GMCL1: variants seen among roughly 807,000 people sequenced by gnomAD.
The protein encoded by GMCL1 is germ cell-less 1, spermatogenesis associated.
Under a neutral mutation model 75.5 loss-of-function variants are expected in GMCL1, and 54 were observed. The ratio of observed to expected loss-of-function variants is 0.71; its 90% CI spans 0.57 to 0.90. The LOEUF is 0.90. GMCL1 is among the 40% of genes least tolerant of loss of function. The probability of loss-of-function intolerance (pLI) is 0.00; values close to 1 mark genes in which losing one functional copy is unlikely to be tolerated. For missense variants in GMCL1, 537 were observed against 622.7 expected (o/e 0.86, Z 1.47); for synonymous variants, 210 against 209.6 (o/e 1.00, Z -0.02).
At chr2:69,843,294 C>T in intron 5 of GMCL1, 33 bp downstream of exon 5, 1 of 1,174,696 alleles carries the variant, frequency 8.5e-7, no homozygotes, top group Non-Finnish European at 1.3e-6. Flanking sequence ...CTTCCTATCC[C>T]ACTTTTAGGA....
chr2:69,866,240 C>G (rs1167886431), intron 11 of GMCL1, among the ~76,000 whole-genome samples: 4 of 124,106 alleles, frequency 3.2e-5, no homozygotes, highest in African/African-American at 1.4e-4. Flanking sequence ...GAGCGAGTCT[C>G]CATCTCAAGA....
At chr2:69,857,398 A>G (rs1186175323) in intron 9 of GMCL1, among the ~76,000 whole-genome samples, 1 of 152,152 alleles carries the variant, frequency 6.6e-6, no homozygotes, top group Non-Finnish European at 1.5e-5. Flanking sequence ...ACATTTCAAC[A>G]CTAAGCTTGA....
chr2:69,833,622 T>C (rs2103942166), intron 1 of GMCL1, among the ~76,000 whole-genome samples: 1 of 152,294 alleles, frequency 6.6e-6, no homozygotes, highest in Admixed American at 6.5e-5. Context: ...TCTCAAAAAC[T>C]AAACAAATAA....
chr2:69,858,130 C>T (rs975004411), intron 9 of GMCL1, among the ~76,000 whole-genome samples: 14 of 152,122 alleles, frequency 9.2e-5, no homozygotes, highest in Admixed American at 2.6e-4. Flanking sequence ...AGATCCGTGA[C>T]GCTGTCAAAT....
At chr2:69,840,790 G>A (rs932718481) in intron 3 of GMCL1, 152 bp from the exon 4 acceptor site, 30 of 472,266 alleles carry the variant, frequency 6.4e-5, no homozygotes, top group East Asian at 6.2e-4. Flanking sequence ...CATTACTAGC[G>A]TTTTAATTAG....
intron 1 of GMCL1, 101 bp downstream of exon 1, chr2:69,830,253 C>T: frequency 7.2e-7 from 1 of 1,396,876 alleles, no homozygotes; most frequent in Non-Finnish European, 9.5e-7. Context: ...GCTCCCCAGC[C>T]TATGGAGAGG....
At chr2:69,844,505 T>C (rs555238322) in intron 6 of GMCL1, 24 of 176,724 alleles carry the variant, frequency 1.4e-4, no homozygotes, top group Non-Finnish European at 7.1e-5. Context: ...AAAAATCATC[T>C]TTTTTATTGA....
intron 7 of GMCL1, among the ~76,000 whole-genome samples, chr2:69,848,536 C>T (rs896453845): frequency 1.3e-5 from 2 of 152,090 alleles, no homozygotes; most frequent in Non-Finnish European, 2.9e-5. Flanking sequence ...GCAAAAACCC[C>T]TCTCTACAAA....
intron 6 of GMCL1, 140 bp from the exon 7 acceptor site, chr2:69,847,403 C>A (rs754404205): frequency 2.0e-5 from 14 of 685,900 alleles, no homozygotes; most frequent in Non-Finnish European, 3.7e-5. Context: ...TTCTAAGATT[C>A]TTTGTCTTGG....
intron 5 of GMCL1, 145 bp from the exon 6 acceptor site, chr2:69,843,982 CAAAA>C (rs1558539680): frequency 1.6e-5 from 7 of 443,998 alleles, no homozygotes; most frequent in African/African-American, 1.2e-4. Flanking sequence ...TATCCACTGA[CAAAA>C]ATAATACTAA....
rs560366131 is a variant in GMCL1 at position 69,850,414 on chromosome 2, G to A, written c.934+672G>A. ...CATATCTAGAAAAAGTATTTTTTACGGCTGTCAGGTGCAAAGAACTGGATA... is the reference window on the plus strand; with the variant it reads ...CATATCTAGAAAAAGTATTTTTTACAGCTGTCAGGTGCAAAGAACTGGATA... On this transcript the variant is annotated intron_variant, in intron 8 of 13. Transcript: ENST00000282570. 3.3e-5 allele frequency among the ~76,000 whole-genome samples: 5 copies of A among 152,080 alleles called. No homozygotes were observed. In the East Asian group the frequency reaches 7.7e-4, roughly 23 times the overall value.
At position 69,829,676 on chromosome 2, in the gene GMCL1, G is replaced by T. The variant is rs376019470; in HGVS notation, c.-217G>T. 2 of 531,436 alleles carry T rather than the reference G, an allele frequency of 3.8e-6. No individual in the cohort carries two copies. The highest frequency in any genetic ancestry group is 6.5e-6 in the Non-Finnish European group (2 of 309,142). 32.9% of individuals were successfully genotyped at this position (531,436 alleles called of 1,614,324 possible). ...CCGTCCCGCGCTTTGTTGCGAAAGCGAGGGGGCGAGGTGCTGCGGTGCTAG... is the reference window on the plus strand; with the variant it reads ...CCGTCCCGCGCTTTGTTGCGAAAGCTAGGGGGCGAGGTGCTGCGGTGCTAG... On this transcript the variant is annotated 5_prime_UTR_variant, in exon 1 of 14. Coordinates refer to ENST00000282570, the MANE Select transcript of GMCL1 (RefSeq NM_178439.5).
At chr2:69,833,070 G>C (rs1250011891) in intron 1 of GMCL1, among the ~76,000 whole-genome samples, 11 of 152,166 alleles carry the variant, frequency 7.2e-5, no homozygotes, top group Admixed American at 7.2e-4. Context: ...AGCTGAGGCT[G>C]GCAAGTAGGA....
At chr2:69,875,739 G>C (rs943347888) in intron 13 of GMCL1, among the ~76,000 whole-genome samples, 5 of 150,928 alleles carry the variant, frequency 3.3e-5, no homozygotes, top group Non-Finnish European at 7.4e-5. Context: ...TCTGTCGCCA[G>C]GCTGGAATGC....
chr2:69,865,376 G>A (rs545529143), intron 11 of GMCL1, among the ~76,000 whole-genome samples: 3 of 152,234 alleles, frequency 2.0e-5, no homozygotes, highest in African/African-American at 4.8e-5. Context: ...GGCCAGGTGC[G>A]GTGGCTCACG....
Position 69,874,123 on chromosome 2 carries a change from T to A in GMCL1, c.1452+2291T>A, listed in dbSNP as rs138998529. On this transcript the variant is annotated intron_variant, in intron 13 of 13. Coordinates refer to ENST00000282570, the MANE Select transcript of GMCL1 (RefSeq NM_178439.5). Reference sequence around the variant, plus strand: ...TTTTTTTTCATTACTATAGGAAATATACATATATCTTTGTCCATTTTTATG... The same window carrying A: ...TTTTTTTTCATTACTATAGGAAATAAACATATATCTTTGTCCATTTTTATG... Among the ~76,000 whole-genome samples the A allele has an allele frequency of 2.6e-4, 39 of 152,278 alleles. 2 individuals are homozygous for A. The East Asian group carries it at 7.5e-3, about 29-fold the overall frequency.
chr2:69,831,631 A>G (rs1161018137), intron 1 of GMCL1, among the ~76,000 whole-genome samples: 1 of 151,066 alleles, frequency 6.6e-6, no homozygotes. Context: ...ATTTTGAGAC[A>G]GGGTCTCGCT....
intron 12 of GMCL1, 51 bp downstream of exon 12, chr2:69,869,915 A>G (rs769581980): frequency 7.6e-6 from 12 of 1,571,050 alleles, no homozygotes; most frequent in Middle Eastern, 1.7e-4. Context: ...AGAAAATATA[A>G]GAAATAAAAC....
At chr2:69,831,841 C>G (rs1674682449) in intron 1 of GMCL1, among the ~76,000 whole-genome samples, 1 of 151,844 alleles carries the variant, frequency 6.6e-6, no homozygotes, top group Non-Finnish European at 1.5e-5. Context: ...CTCCTGGGTT[C>G]AAGTGATCCT....
Sources: allele counts gnomAD v4.1 joint callset (sites outside exome capture counted in the v4.1 genomes callset), GRCh38; gene constraint gnomAD v4.1.1; transcripts MANE v1.5; gene names NCBI Gene and HGNC (gene_info 2026-07-23, HGNC 2026-07-21).